HECW2: variants seen among roughly 807,000 people sequenced by gnomAD.
HECW2 encodes the protein HECT, C2 and WW domain containing E3 ubiquitin protein ligase 2.
A neutral mutation model predicts 175.2 loss-of-function variants in HECW2; 61 were observed. That is an observed-to-expected ratio of 0.35 (90% CI 0.28 to 0.43). The LOEUF (loss-of-function observed/expected upper bound fraction) is 0.43. Among genes scored for constraint, HECW2 ranks in the 20% least tolerant of loss-of-function variants. HECW2 has a pLI of 1.00. For missense variants in HECW2, 1,524 were observed against 2,000.5 expected (o/e 0.76, Z 4.54); for synonymous variants, 671 against 731.0 (o/e 0.92, Z 1.32).
chr2:196,240,646 A>G, intron 20 of HECW2, 84 bp from the exon 21 acceptor site: 2 of 1,235,164 alleles, frequency 1.6e-6, no homozygotes, highest in South Asian at 1.9e-5. Flanking sequence ...GAACATTTCC[A>G]TTTGCCACAA....
In HECW2 at chr2:196,228,270, AC is replaced by A. The variant is rs1383585486; in HGVS notation, c.3765-17del. 2 of 1,584,162 alleles carry A rather than the reference AC, an allele frequency of 1.3e-6. No homozygotes were observed. ...GTAATCCAGCCTGTAACAAAAATCC[AC>A]AAAAAGAATAATCTGTTACTTTTTT... On this transcript the variant is annotated splice_polypyrimidine_tract_variant and intron_variant, in intron 21 of 28. Coordinates refer to ENST00000644978, the MANE Select transcript of HECW2 (RefSeq NM_001348768.2).
chr2:196,567,383 C>CT (rs1218110022), intron 1 of HECW2, among the ~76,000 whole-genome samples: 12 of 152,210 alleles, frequency 7.9e-5, no homozygotes, highest in Non-Finnish European at 1.6e-4. Flanking sequence ...ATCATAGAAA[C>CT]TGGTGCCAGA....
rs1348166852 is a variant in HECW2, at chr2:196,274,104, T to G, written c.3155A>C (p.His1052Pro). 2 of 1,613,886 alleles carry G rather than the reference T, an allele frequency of 1.2e-6. No homozygotes were observed. The highest frequency in any genetic ancestry group is 1.3e-5 in the African/African-American group (1 of 75,052). ...SAGEVGEDSR[H>P]AGPPVLPRPS... is the part of the protein sequence containing the mutation. Reference sequence around the variant, plus strand: ...CCTGGGAAGAACTGGTGGTCCTGCATGTCGAGAATCTTCTCCTACCTGCAA... The same window carrying G: ...CCTGGGAAGAACTGGTGGTCCTGCAGGTCGAGAATCTTCTCCTACCTGCAA... Residue 1052 changes from histidine to proline, a missense_variant, in exon 16 of 29, where the codon CAT becomes CCT. Around this residue, in one of 11 missense-constraint regions of HECW2, gnomAD observed 291 missense variants for 412.2 expected, o/e 0.71. Coordinates refer to ENST00000644978, the MANE Select transcript of HECW2 (RefSeq NM_001348768.2).
At chr2:196,515,605 C>A (rs755052367) in intron 1 of HECW2, among the ~76,000 whole-genome samples, 11 of 152,146 alleles carry the variant, frequency 7.2e-5, no homozygotes, top group Non-Finnish European at 1.5e-4. Flanking sequence ...GGGTATCAAA[C>A]CCAGAAATCA....
chr2:196,558,942 A>G (rs981295700), intron 1 of HECW2, among the ~76,000 whole-genome samples: 4 of 152,222 alleles, frequency 2.6e-5, no homozygotes, highest in African/African-American at 7.2e-5. Flanking sequence ...TTACCATTCA[A>G]TGGGCACCTA....
intron 17 of HECW2, among the ~76,000 whole-genome samples, chr2:196,262,702 A>G (rs1254157658): frequency 6.6e-6 from 1 of 151,984 alleles, no homozygotes; most frequent in Admixed American, 6.6e-5. Flanking sequence ...TGTAGTTAGG[A>G]TTACAGGAAT....
At chr2:196,272,646 T>C (rs767680597) in intron 16 of HECW2, among the ~76,000 whole-genome samples, 3 of 152,194 alleles carry the variant, frequency 2.0e-5, no homozygotes, top group Non-Finnish European at 4.4e-5. Context: ...CTATTTTAGT[T>C]ATGTATATTT....
chr2:196,281,658 A>AG (rs1690192962), intron 14 of HECW2, among the ~76,000 whole-genome samples: 1 of 150,490 alleles, frequency 6.6e-6, no homozygotes, highest in Non-Finnish European at 1.5e-5. Flanking sequence ...AAAAAAAAAA[A>AG]AAAAAAAAAA....
At chr2:196,487,121 C>T (rs1390356291) in intron 1 of HECW2, among the ~76,000 whole-genome samples, 2 of 149,500 alleles carry the variant, frequency 1.3e-5, no homozygotes, top group Admixed American at 6.7e-5. Context: ...TGCACTCCAG[C>T]CTGAGCAACA....
chr2:196,579,681 G>C (rs904669408), intron 1 of HECW2, among the ~76,000 whole-genome samples: 2 of 151,986 alleles, frequency 1.3e-5, no homozygotes, highest in Non-Finnish European at 2.9e-5. Flanking sequence ...AGATACAACC[G>C]GTAAGAAGTA....
chr2:196,349,739 G>A lies in HECW2; in HGVS notation c.293-5975C>T, dbSNP rs73988183. ...TGCTTCTTCAAGGGAGAAACAAAGTGTTTGGACCCAGGAGATAAAAGAGTA... is the reference window on the plus strand; with the variant it reads ...TGCTTCTTCAAGGGAGAAACAAAGTATTTGGACCCAGGAGATAAAAGAGTA... On this transcript the variant is annotated intron_variant, in intron 2 of 28. Coordinates refer to ENST00000644978, the MANE Select transcript of HECW2 (RefSeq NM_001348768.2). 8.8e-3 allele frequency among the ~76,000 whole-genome samples: 1,341 copies of A among 152,260 alleles called. 31 individuals are homozygous for A. Among genetic ancestry groups the A allele is most frequent in the African/African-American group, 0.031 (1,274 of 41,534 alleles).
At chr2:196,529,819 T>C (rs759920311) in intron 1 of HECW2, among the ~76,000 whole-genome samples, 5 of 152,188 alleles carry the variant, frequency 3.3e-5, no homozygotes, top group East Asian at 3.8e-4. Flanking sequence ...GAAACAAACA[T>C]CTCTGTTCTT....
At position 196,343,767 on chromosome 2, in the gene HECW2, A is replaced by T; in HGVS notation, c.293-3T>A. ...GAAGTTGGCTGGAGAATTCTCATCT[A>T]GAAAAACCAAAGAAACACTTTTCAG... On this transcript the variant is annotated splice_polypyrimidine_tract_variant and splice_region_variant and intron_variant, in intron 2 of 28. Transcript: ENST00000644978. 1 of 1,582,634 alleles carries T rather than the reference A, an allele frequency of 6.3e-7. No homozygotes were observed. Among genetic ancestry groups the T allele is most frequent in the Admixed American group, 1.7e-5 (1 of 59,886 alleles).
intron 1 of HECW2, among the ~76,000 whole-genome samples, chr2:196,531,022 C>T (rs1012797395): frequency 1.3e-5 from 2 of 152,192 alleles, no homozygotes; most frequent in African/African-American, 4.8e-5. Flanking sequence ...GCAATATTAT[C>T]CCTAACCTTA....
intron 2 of HECW2, among the ~76,000 whole-genome samples, chr2:196,431,583 A>G (rs897046230): frequency 6.6e-6 from 1 of 152,216 alleles, no homozygotes; most frequent in Non-Finnish European, 1.5e-5. Context: ...GAGAAAGTCT[A>G]AAGAGAAGTT....
chr2:196,365,775 TTGTTA>T (rs1406991030), intron 2 of HECW2, among the ~76,000 whole-genome samples: 1 of 152,208 alleles, frequency 6.6e-6, no homozygotes, highest in Non-Finnish European at 1.5e-5. Context: ...TGACTATTAT[TTGTTA>T]TAATAACTGA....
chr2:196,494,305 A>G (rs922588029), intron 1 of HECW2, among the ~76,000 whole-genome samples: 3 of 152,230 alleles, frequency 2.0e-5, no homozygotes, highest in African/African-American at 4.8e-5. Flanking sequence ...ATTTCCAGCC[A>G]CAAAGTGATA....
chr2:196,231,588 T>C (rs1305803529), intron 21 of HECW2, among the ~76,000 whole-genome samples: 1 of 152,202 alleles, frequency 6.6e-6, no homozygotes, highest in Non-Finnish European at 1.5e-5. Context: ...CCATAGAGGT[T>C]TGACTGGTGA....
Position 196,307,943 on chromosome 2 carries a change from C to A in HECW2, c.2577G>T (p.Leu859=). The A allele has an allele frequency of 6.5e-7, 1 of 1,548,868 alleles. No individual in the cohort carries two copies. ...AAAATGTTCATCCTCACCGCCGGTT[C>A]AGCTGCTCCATTTGCTGTATGGAGT... is the stretch of plus-strand genomic sequence containing the variant. ...RSNSIQQMEQ[L]NRRYQSIRRT... The change falls in exon 11 of 29, where the codon CTG becomes CTT. Residue 859 remains leucine (L), a synonymous_variant. Coordinates refer to ENST00000644978, the MANE Select transcript of HECW2 (RefSeq NM_001348768.2).
Sources: gnomAD v4.1 joint callset for allele counts (sites outside exome capture counted in the v4.1 genomes callset) on GRCh38, gnomAD v4.1.1 for gene constraint, gnomAD v4.1.1 regional missense constraint, MANE v1.5 for transcripts, NCBI Gene and HGNC (gene_info 2026-07-23, HGNC 2026-07-21) for gene names.